The following NOX4 variants were observed in gnomAD, a reference collection of about 807,000 sequenced individuals.
NOX4 encodes kidney oxidase-1.
A neutral mutation model predicts 87.6 loss-of-function variants in NOX4; 69 were observed. That is an observed-to-expected ratio of 0.79 (90% CI 0.65 to 0.96). The LOEUF (loss-of-function observed/expected upper bound fraction) is 0.96. Among genes scored for constraint, NOX4 ranks in the 40% least tolerant of loss-of-function variants. The pLI, the probability that NOX4 is intolerant of heterozygous loss-of-function variation, is 0.00. For synonymous variants in NOX4, 275 were observed against 238.2 expected (o/e 1.15, Z -1.42); for missense variants, 680 against 681.5 (o/e 1.00, Z 0.02).
intron 12 of NOX4, among the ~76,000 whole-genome samples, chr11:89,355,901 T>A (rs1938009085): frequency 6.6e-6 from 1 of 152,102 alleles, no homozygotes; most frequent in Non-Finnish European, 1.5e-5. Context: ...TGGAAGCAGC[T>A]CAGTTGCTCA....
chr11:89,506,725 C>T, the NOX4 span, among the ~76,000 whole-genome samples: 28 of 151,822 alleles, frequency 1.8e-4, no homozygotes, highest in East Asian at 3.9e-4. Context: ...AAGACCTTTA[C>T]GACTTAATGA....
the NOX4 span, among the ~76,000 whole-genome samples, chr11:89,551,212 T>C: frequency 2.0e-5 from 3 of 152,190 alleles, no homozygotes; most frequent in African/African-American, 7.2e-5. Context: ...AGCCTTGTAG[T>C]ATAGTTTGAA....
At chr11:89,575,999 A>G in the NOX4 span, among the ~76,000 whole-genome samples, 2 of 152,206 alleles carry the variant, frequency 1.3e-5, no homozygotes, top group African/African-American at 2.4e-5. Flanking sequence ...CATGTTGCTA[A>G]CAAGACTGTA....
intron 17 of NOX4, among the ~76,000 whole-genome samples, chr11:89,335,496 C>A (rs1479983699): frequency 1.3e-5 from 2 of 151,590 alleles, no homozygotes; most frequent in African/African-American, 2.4e-5. Context: ...TTGTAAAATT[C>A]TTTGTTTGGA....
At chr11:89,560,645 C>G in the NOX4 span, among the ~76,000 whole-genome samples, 1 of 151,800 alleles carries the variant, frequency 6.6e-6, no homozygotes, top group Non-Finnish European at 1.5e-5. Context: ...GGCTGTGGAC[C>G]CAGGTAGAAC....
chr11:89,510,847 G>A, the NOX4 span, among the ~76,000 whole-genome samples: 13 of 152,114 alleles, frequency 8.5e-5, no homozygotes, highest in African/African-American at 3.1e-4. Context: ...CATTTCAGCT[G>A]TGTCCATTCC....
chr11:89,465,333 C>A (rs576599401), intron 2 of NOX4, among the ~76,000 whole-genome samples: 1 of 152,166 alleles, frequency 6.6e-6, no homozygotes, highest in South Asian at 2.1e-4. Context: ...TTTATGGCTG[C>A]ATAGTATTCC....
chr11:89,459,761 T>G (rs1289802768), intron 2 of NOX4, among the ~76,000 whole-genome samples: 1 of 152,058 alleles, frequency 6.6e-6, no homozygotes, highest in Non-Finnish European at 1.5e-5. Context: ...TTCACTGCCA[T>G]CCCCATCAAG....
At chr11:89,563,623 G>A in the NOX4 span, among the ~76,000 whole-genome samples, 1 of 152,082 alleles carries the variant, frequency 6.6e-6, no homozygotes, top group East Asian at 1.9e-4. Flanking sequence ...ATCTTCCAGA[G>A]TCTTTAAATT....
chr11:89,381,297 A>G (rs1466397484), intron 11 of NOX4, among the ~76,000 whole-genome samples: 1 of 152,162 alleles, frequency 6.6e-6, no homozygotes, highest in Non-Finnish European at 1.5e-5. Flanking sequence ...TCAGGAAAGC[A>G]TGTTTGTGTC....
At position 89,327,702 on chromosome 11, in the gene NOX4, A is replaced by G. The variant is rs1033903126; in HGVS notation, c.1617-826T>C. ...AGTATGTCTTAATTATGTCAGAATA[A>G]CTCGCACTGAACAAAAGACATTGAA... On this transcript the variant is annotated intron_variant, in intron 17 of 17. Transcript: ENST00000263317. Among the ~76,000 whole-genome samples the G allele has an allele frequency of 3.3e-5, 5 of 152,224 alleles. No homozygotes were observed. The East Asian group carries it at 7.8e-4, about 24-fold the overall frequency.
At chr11:89,573,887 G>A in the NOX4 span, among the ~76,000 whole-genome samples, 4 of 152,072 alleles carry the variant, frequency 2.6e-5, no homozygotes, top group African/African-American at 9.7e-5. Context: ...CGCTTGGGAA[G>A]TGAGCACGTG....
At chr11:89,463,512 G>A (rs1266822965) in intron 2 of NOX4, among the ~76,000 whole-genome samples, 1 of 152,004 alleles carries the variant, frequency 6.6e-6, no homozygotes, top group East Asian at 1.9e-4. Flanking sequence ...CTAAGAATAT[G>A]TGTAAGACAG....
intron 11 of NOX4, among the ~76,000 whole-genome samples, chr11:89,393,715 C>T (rs1350387319): frequency 6.6e-6 from 1 of 152,048 alleles, no homozygotes; most frequent in Non-Finnish European, 1.5e-5. Context: ...CTAATATTGA[C>T]AATATCAAAG....
At chr11:89,562,951 C>G in the NOX4 span, among the ~76,000 whole-genome samples, 2 of 152,092 alleles carry the variant, frequency 1.3e-5, no homozygotes, top group Non-Finnish European at 2.9e-5. Context: ...TGAGTGAGTT[C>G]TCATGAGATC....
At chr11:89,579,271 A>T in the NOX4 span, among the ~76,000 whole-genome samples, 1 of 152,192 alleles carries the variant, frequency 6.6e-6, no homozygotes, top group South Asian at 2.1e-4. Context: ...AGAATGCACA[A>T]CACCAAGAGT....
At chr11:89,516,980 C>T in the NOX4 span, among the ~76,000 whole-genome samples, 1 of 116,668 alleles carries the variant, frequency 8.6e-6, no homozygotes, top group Non-Finnish European at 1.7e-5. Context: ...TCTCTTCCTC[C>T]TCCTCCTCCT....
At chr11:89,499,530 G>T (rs1946995678), upstream of NOX4, among the ~76,000 whole-genome samples, 1 of 152,122 alleles carries the variant, frequency 6.6e-6, no homozygotes, top group African/African-American at 2.4e-5. Flanking sequence ...CAATTGTCTT[G>T]TCTTCTTCCT....
At chr11:89,380,835 T>G (rs1458739292) in intron 11 of NOX4, among the ~76,000 whole-genome samples, 1 of 152,158 alleles carries the variant, frequency 6.6e-6, no homozygotes, top group Non-Finnish European at 1.5e-5. Flanking sequence ...AAGATAACAT[T>G]GTCACCATGC....
Sources: allele counts gnomAD v4.1 joint callset (sites outside exome capture counted in the v4.1 genomes callset), GRCh38; gene constraint gnomAD v4.1.1; transcripts MANE v1.5; gene names NCBI Gene and HGNC (gene_info 2026-07-23, HGNC 2026-07-21).